The following SHC2 variants were observed in gnomAD, a reference collection of about 807,000 sequenced individuals.
SHC2 encodes the protein SHC-transforming protein 2.
Under a neutral mutation model 60.6 loss-of-function variants are expected in SHC2, and 62 were observed. The observed-to-expected ratio is 1.02, with a 90% CI of 0.83 to 1.26. The LOEUF is 1.26. SHC2 is among the 50% of genes most tolerant of loss of function. The probability of loss-of-function intolerance (pLI) is 0.00; values close to 1 mark genes in which losing one functional copy is unlikely to be tolerated. For missense variants in SHC2, 873 were observed against 822.2 expected (o/e 1.06, Z -0.76); for synonymous variants, 375 against 372.4 (o/e 1.01, Z -0.08).
At chr19:447,438 T>C (rs1975078334) in intron 1 of SHC2, among the ~76,000 whole-genome samples, 1 of 152,220 alleles carries the variant, frequency 6.6e-6, no homozygotes, top group Non-Finnish European at 1.5e-5. Context: ...CCTGCACAGT[T>C]TAAACAGTTG....
rs1231778373 is a variant in SHC2, at chr19:421,348, C to T, written c.1620+798G>A. The stretch of plus-strand genomic sequence containing the variant: ...GCGGGAGGCGGAGCTTGCAGTGAGC[C>T]GAGATTGCGCCATTGCATTCCAGCC... On this transcript the variant is annotated intron_variant, in intron 11 of 12. Transcript: ENST00000264554. 9.1e-5 allele frequency among the ~76,000 whole-genome samples: 13 copies of T among 143,040 alleles called. 1 individual carries two copies. In the South Asian group the frequency reaches 2.5e-3, roughly 27 times the overall value. The allele number at this position is 143,040 out of a possible 152,430, so 93.8% of individuals were successfully genotyped here. A position where few individuals can be genotyped will look rare whatever the true frequency, so the allele number is the denominator to read the frequency against.
intron 1 of SHC2, among the ~76,000 whole-genome samples, chr19:442,534 GAT>G (rs1974905415): frequency 1.5e-5 from 1 of 64,562 alleles, no homozygotes; most frequent in Middle Eastern, 7.6e-3. Context: ...TGGGTGGATG[GAT>G]GGGTGGGTGG....
In SHC2 at chr19:438,772, G is replaced by A; in HGVS notation, c.666C>T (p.Ile222=). The change falls in exon 4 of 13, where the codon ATC becomes ATT. Residue 222 remains isoleucine, a synonymous_variant. Transcript: ENST00000264554. The surrounding 1 kb of genome is among the most constrained non-coding windows in gnomAD (Gnocchi z 5.0). ...KSNLRFAGMS[I]SIHISTDGLS... ...GGCCATCAGTGGAGATGTGGATGGA[G>A]ATGCTCATGCCGGCAAAGCGAAGGT... The A allele has an allele frequency of 6.3e-7, 1 of 1,575,280 alleles. No homozygotes were observed. Among genetic ancestry groups the A allele is most frequent in the Non-Finnish European group, 8.6e-7 (1 of 1,161,830 alleles).
chr19:427,842 C>T (rs1974460777), intron 9 of SHC2, among the ~76,000 whole-genome samples: 1 of 120,378 alleles, frequency 8.3e-6, no homozygotes, highest in African/African-American at 3.4e-5. Flanking sequence ...GGGAACTGCA[C>T]ACGGCACAGG....
intron 1 of SHC2, among the ~76,000 whole-genome samples, chr19:455,439 G>A (rs1042564952): frequency 2.0e-5 from 3 of 152,222 alleles, no homozygotes; most frequent in South Asian, 2.1e-4. Flanking sequence ...CGCAGGACTC[G>A]GCGTGAGCCT....
intron 9 of SHC2, among the ~76,000 whole-genome samples, chr19:426,305 G>A (rs1444779849): frequency 6.6e-6 from 1 of 152,254 alleles, no homozygotes; most frequent in South Asian, 2.1e-4. Flanking sequence ...GGGTCAGGAT[G>A]GGTGAGAGGG....
In SHC2 at chr19:421,047, C is replaced by CAAGA. The variant is rs1212761658; in HGVS notation, c.1620+1095_1620+1098dup. Among the ~76,000 whole-genome samples, 8 of 147,366 alleles carry CAAGA rather than the reference C, an allele frequency of 5.4e-5. 1 individual carries two copies. The highest frequency in any genetic ancestry group is 2.0e-4 in the African/African-American group (8 of 39,780). On this transcript the variant is annotated intron_variant, in intron 11 of 12. Transcript: ENST00000264554. ...CCTGGGTGACAGAGCGAGACTCCAT[C>CAAGA]AAGAAAGAAAGAAAGGAAAGGAAGA...
intron 1 of SHC2, among the ~76,000 whole-genome samples, chr19:443,514 GTGGATGGATGGACAGA>G (rs1177918044): frequency 7.2e-6 from 1 of 138,146 alleles, no homozygotes; most frequent in Non-Finnish European, 1.6e-5. Context: ...GAGTGGATGG[GTGGATGGATGGACAGA>G]TGGATGGATG....
chr19:435,808 C>G, intron 7 of SHC2: 1 of 238,674 alleles, frequency 4.2e-6, no homozygotes. Context: ...ACAGACACGT[C>G]CCCCCCTTTA....
At chr19:436,605 G>A in intron 5 of SHC2, 25 bp downstream of exon 5, 2 of 1,599,732 alleles carry the variant, frequency 1.3e-6, no homozygotes, top group African/African-American at 1.3e-5. Context: ...CAGGGCTGCA[G>A]GTCCACCCCC....
At chr19:427,369 G>T (rs1434258888) in intron 9 of SHC2, among the ~76,000 whole-genome samples, 1 of 152,228 alleles carries the variant, frequency 6.6e-6, no homozygotes, top group East Asian at 1.9e-4. Context: ...GGAGAGAAGG[G>T]CTCGTGGGAA....
rs1279472999 is a variant in SHC2 at position 416,698 on chromosome 19, G to C, written c.*630C>G. 2.6e-5 allele frequency: 4 copies of C among 152,276 alleles called. No individual in the cohort carries two copies. Among genetic ancestry groups the C allele is most frequent in the Non-Finnish European group, 5.9e-5 (4 of 68,084 alleles). The allele number at this position is 152,276 out of a possible 1,614,324, so 9.4% of individuals were successfully genotyped here. Reference sequence around the variant, plus strand: ...AGCTGCTGGGCGCAGCCCAGGCCAGGCAACCACGTCCTTCCCCTGCTCCCA... The same window carrying C: ...AGCTGCTGGGCGCAGCCCAGGCCAGCCAACCACGTCCTTCCCCTGCTCCCA... On this transcript the variant is annotated 3_prime_UTR_variant, in exon 13 of 13. Coordinates refer to ENST00000264554, the MANE Select transcript of SHC2 (RefSeq NM_012435.3).
rs184248969 is a variant in SHC2, at chr19:419,140, G to A, written c.1621-84C>T. The stretch of plus-strand genomic sequence containing the variant: ...GATATTGGCGTTCTGGGGTCCTGCC[G>A]GGGAGCCCCTAGGGTGCCTGCATGG... On this transcript the variant is annotated intron_variant, in intron 11 of 12. Coordinates refer to ENST00000264554, the MANE Select transcript of SHC2 (RefSeq NM_012435.3). 4.4e-3 allele frequency: 6,405 copies of A among 1,450,186 alleles called. 23 individuals are homozygous for A. Among genetic ancestry groups the A allele is most frequent in the Non-Finnish European group, 5.0e-3 (5,360 of 1,081,388 alleles). 89.8% of individuals were successfully genotyped at this position (1,450,186 alleles called of 1,614,324 possible).
chr19:422,512 C>G lies in SHC2; in HGVS notation c.1310-56G>C. 1.4e-6 allele frequency: 2 copies of G among 1,411,008 alleles called. No homozygotes were observed. The highest frequency in any genetic ancestry group is 1.9e-6 in the Non-Finnish European group (2 of 1,059,428). 87.4% of individuals were successfully genotyped at this position (1,411,008 alleles called of 1,614,324 possible). On this transcript the variant is annotated intron_variant, in intron 10 of 12. Coordinates refer to ENST00000264554, the MANE Select transcript of SHC2 (RefSeq NM_012435.3). The surrounding 1 kb of genome is among the most constrained non-coding windows in gnomAD (Gnocchi z 5.0). The stretch of plus-strand genomic sequence containing the variant: ...GCAGGGGGCAAGCAGCTACTCCTGC[C>G]GGGACCAGAGCTGGGAGAAACGGGT...
chr19:434,693 G>T lies in SHC2; in HGVS notation c.1110+16C>A. The T allele has an allele frequency of 6.2e-7, 1 of 1,600,344 alleles. No homozygotes were observed. On this transcript the variant is annotated intron_variant, in intron 8 of 12. Transcript: ENST00000264554. The stretch of plus-strand genomic sequence containing the variant: ...GGGGCATCCCTGTCCCCATCCCCCC[G>T]AGGGCAGAGGCTGACCTGGTCGAGG...
intron 1 of SHC2, among the ~76,000 whole-genome samples, chr19:442,085 C>T (rs1011923644): frequency 6.6e-6 from 1 of 152,202 alleles, no homozygotes; most frequent in South Asian, 2.1e-4. Flanking sequence ...AGGGGCTCAT[C>T]CTGGGCCAGC....
At chr19:426,464 A>C (rs1247120755) in intron 9 of SHC2, among the ~76,000 whole-genome samples, 3 of 97,694 alleles carry the variant, frequency 3.1e-5, no homozygotes, top group Admixed American at 2.0e-4. Flanking sequence ...GACGACACCG[A>C]GAGAGGCAGA....
chr19:436,176 C>T lies in SHC2; in HGVS notation c.942G>A (p.Leu314=), dbSNP rs200998385. Residue 314 remains leucine (L), a synonymous_variant, in exon 7 of 13, where the codon CTG becomes CTA. Coordinates refer to ENST00000264554, the MANE Select transcript of SHC2 (RefSeq NM_012435.3). The part of the protein sequence containing the change: ...QYLHSPPKVA[L]PPERLAGPEE... ...GCAGCTCTGGTTACCTTTCTGGGGG[C>T]AGCGCCACCTTGGGCGGGCTGTGCA... 1.1e-5 allele frequency: 17 copies of T among 1,611,074 alleles called. No homozygotes were observed. In the Admixed American group the frequency reaches 2.8e-4, roughly 27 times the overall value.
intron 1 of SHC2, among the ~76,000 whole-genome samples, chr19:451,805 C>T (rs1162188841): frequency 1.3e-5 from 2 of 152,192 alleles, no homozygotes; most frequent in Admixed American, 6.5e-5. Flanking sequence ...ACCATGTTGA[C>T]AGGCTGGTGT....
Sources: gnomAD v4.1 joint callset for allele counts (sites outside exome capture counted in the v4.1 genomes callset) on GRCh38, gnomAD v4.1.1 for gene constraint, Gnocchi (gnomAD v3.1) non-coding constraint, MANE v1.5 for transcripts, NCBI Gene and HGNC (gene_info 2026-07-23, HGNC 2026-07-21) for gene names.